Variants in XPO6 observed in about 807,000 individuals in gnomAD.
The protein encoded by XPO6 is exportin 6.
A neutral mutation model predicts 130.0 loss-of-function variants in XPO6; 3 were observed. The ratio of observed to expected loss-of-function variants is 0.02; its 90% CI spans 0.01 to 0.06. The LOEUF (loss-of-function observed/expected upper bound fraction) is 0.06. XPO6 is among the 10% of genes least tolerant of loss of function. The pLI is 1.00. For missense variants in XPO6, 970 were observed against 1,393.0 expected (o/e 0.70, Z 4.83); for synonymous variants, 524 against 548.9 (o/e 0.95, Z 0.63).
chr16:28,184,203 G>C (rs2043659276), intron 1 of XPO6, among the ~76,000 whole-genome samples: 1 of 152,138 alleles, frequency 6.6e-6, no homozygotes, highest in Non-Finnish European at 1.5e-5. Context: ...ATTCCCAAAG[G>C]CTATTCAAAA....
chr16:28,162,930 AACTT>A (rs755878074), intron 6 of XPO6, among the ~76,000 whole-genome samples: 15 of 152,188 alleles, frequency 9.9e-5, no homozygotes, highest in Non-Finnish European at 2.1e-4. Context: ...TATATTTACT[AACTT>A]AAGAGTTTTC....
intron 17 of XPO6, among the ~76,000 whole-genome samples, chr16:28,108,197 AAG>A (rs1176953298): frequency 6.6e-6 from 1 of 152,202 alleles, no homozygotes; most frequent in Non-Finnish European, 1.5e-5. Context: ...TGCTGGCTGC[AAG>A]AACAACCTGC....
intron 1 of XPO6, among the ~76,000 whole-genome samples, chr16:28,194,831 G>A (rs1426881038): frequency 6.6e-6 from 1 of 151,768 alleles, no homozygotes. Context: ...TTCATCACCT[G>A]GCCCTAACCT....
intron 12 of XPO6, among the ~76,000 whole-genome samples, chr16:28,129,301 C>A (rs2042621209): frequency 6.6e-6 from 1 of 152,180 alleles, no homozygotes; most frequent in South Asian, 2.1e-4. Flanking sequence ...TTCACCACCA[C>A]AAAAGTCACG....
rs886680889 is a variant in XPO6 at position 28,169,076 on chromosome 16, T to C, written c.565+674A>G. Among the ~76,000 whole-genome samples, 30 of 152,196 alleles carry C rather than the reference T, an allele frequency of 2.0e-4. 1 individual carries two copies. The highest frequency in any genetic ancestry group is 1.8e-3 in the Admixed American group (27 of 15,278). On this transcript the variant is annotated intron_variant, in intron 5 of 23. Coordinates refer to ENST00000304658, the MANE Select transcript of XPO6 (RefSeq NM_015171.4). ...CTTTTCACTACAAGATTCCCTCAAG[T>C]AGCAAGCCCAGGCTCCCGGCACCCT...
At chr16:28,197,964 TAA>T (rs370727941) in intron 1 of XPO6, among the ~76,000 whole-genome samples, 1,106 of 27,590 alleles carry the variant, frequency 0.04, 22 homozygotes, top group African/African-American at 0.07. Context: ...CTAAGTTTAT[TAA>T]AAAAAAAAAA....
At chr16:28,134,483 A>C (rs2042738142) in intron 10 of XPO6, among the ~76,000 whole-genome samples, 1 of 152,216 alleles carries the variant, frequency 6.6e-6, no homozygotes. Flanking sequence ...GAGGACATTA[A>C]GGCTCACAGA....
rs745974597 is a variant in XPO6 at position 28,111,941 on chromosome 16, C to T, written c.2217G>A (p.Glu739=). Residue 739 remains glutamate (E), a synonymous_variant, in exon 17 of 24, where the codon GAG becomes GAA. Coordinates refer to ENST00000304658, the MANE Select transcript of XPO6 (RefSeq NM_015171.4). ...ILLLPWPNLP[E]NEQQWPVRSI... ...AGCGCACGGGCCACTGCTGCTCATTCTCTGGAAGGTTTGGCCACGGAAGCA... is the reference window on the plus strand; with the variant it reads ...AGCGCACGGGCCACTGCTGCTCATTTTCTGGAAGGTTTGGCCACGGAAGCA... The T allele has an allele frequency of 1.9e-6, 3 of 1,614,158 alleles. No individual in the cohort carries two copies. Among genetic ancestry groups the T allele is most frequent in the South Asian group, 2.2e-5 (2 of 91,070 alleles).
At chr16:28,150,266 C>T (rs2043062424) in intron 8 of XPO6, among the ~76,000 whole-genome samples, 1 of 152,136 alleles carries the variant, frequency 6.6e-6, no homozygotes, top group Non-Finnish European at 1.5e-5. Flanking sequence ...GCTCATCTGA[C>T]GATTCCAGGT....
In XPO6 at chr16:28,130,820, T is replaced by C. The variant is rs78935318; in HGVS notation, c.1606+1514A>G. Among the ~76,000 whole-genome samples the C allele has an allele frequency of 6.2e-4, 95 of 152,306 alleles. No homozygotes were observed. The East Asian group carries it at 8.5e-3, about 14-fold the overall frequency. On this transcript the variant is annotated intron_variant, in intron 12 of 23. Transcript: ENST00000304658. The stretch of plus-strand genomic sequence containing the variant: ...TCAGCTATGTCCCAGAAATAGAGTT[T>C]CAGATTCACTAGACTTTCACCTAAA...
chr16:28,125,927 C>T (rs39631), intron 12 of XPO6, 79 bp from the exon 13 acceptor site: 2 of 1,525,944 alleles, frequency 1.3e-6, no homozygotes, highest in African/African-American at 2.7e-5. Flanking sequence ...GTCCAGCAAG[C>T]CACACACAGC....
At chr16:28,130,258 A>C (rs2042639533) in intron 12 of XPO6, among the ~76,000 whole-genome samples, 1 of 152,258 alleles carries the variant, frequency 6.6e-6, no homozygotes, top group Non-Finnish European at 1.5e-5. Flanking sequence ...TCACAGCACC[A>C]GGAGTAGACA....
At chr16:28,131,801 T>C (rs2042675308) in intron 12 of XPO6, among the ~76,000 whole-genome samples, 1 of 152,224 alleles carries the variant, frequency 6.6e-6, no homozygotes, top group South Asian at 2.1e-4. Context: ...TTACTATTAT[T>C]GTTATCAACA....
At chr16:28,193,652 G>A (rs2043816550) in intron 1 of XPO6, among the ~76,000 whole-genome samples, 1 of 152,164 alleles carries the variant, frequency 6.6e-6, no homozygotes, top group Non-Finnish European at 1.5e-5. Context: ...TCTGGAGGGA[G>A]TCGGTGCACA....
intron 9 of XPO6, among the ~76,000 whole-genome samples, chr16:28,138,020 C>T (rs532991378): frequency 4.6e-5 from 7 of 152,196 alleles, no homozygotes; most frequent in African/African-American, 9.6e-5. Context: ...TGTATGCAAA[C>T]GACTTAACAA....
intron 14 of XPO6, 44 bp from the exon 15 acceptor site, chr16:28,117,506 A>C (rs1159815245): frequency 5.0e-6 from 8 of 1,597,800 alleles, no homozygotes; most frequent in Non-Finnish European, 6.9e-6. Context: ...TTAAGGTGAA[A>C]ATATATTAGC....
intron 1 of XPO6, among the ~76,000 whole-genome samples, chr16:28,206,137 A>C (rs1240811325): frequency 7.3e-6 from 1 of 137,014 alleles, no homozygotes; most frequent in Non-Finnish European, 1.5e-5. Context: ...TATAGAAAGC[A>C]ATACACACAC....
chr16:28,111,076 T>G (rs1408186142), intron 17 of XPO6: 1 of 152,254 alleles, frequency 6.6e-6, no homozygotes, highest in Non-Finnish European at 1.5e-5. Context: ...TTTTAATGTA[T>G]TTGTACAATG....
rs2043256310 is a variant in XPO6, at chr16:28,160,365, A to G, written c.644-3838T>C. On this transcript the variant is annotated intron_variant, in intron 6 of 23. Transcript: ENST00000304658. ...CTAAAAATACAAAACTTAGCCGGGC[A>G]TGGCAGCTGCCACCTGTAATCCCAA... Among the ~76,000 whole-genome samples, 5 of 151,448 alleles carry G rather than the reference A, an allele frequency of 3.3e-5. No homozygotes were observed. The South Asian group carries it at 1.0e-3, about 32-fold the overall frequency.
Sources: gnomAD v4.1 joint callset for allele counts (sites outside exome capture counted in the v4.1 genomes callset) on GRCh38, gnomAD v4.1.1 for gene constraint, MANE v1.5 for transcripts, NCBI Gene and HGNC (gene_info 2026-07-23, HGNC 2026-07-21) for gene names.